CEACAM21: variants seen among roughly 807,000 people sequenced by gnomAD.
CEACAM21 encodes CEA cell adhesion molecule 21.
In CEACAM21, 38 loss-of-function variants were observed where a neutral mutation model predicts 33.2. That is an observed-to-expected ratio of 1.14 (90% CI 0.88 to 1.50). The LOEUF is 1.50. Ranked by LOEUF, CEACAM21 falls within the 40% of genes most tolerant of loss-of-function variation. The probability of loss-of-function intolerance (pLI) is 0.00; values close to 1 mark genes in which losing one functional copy is unlikely to be tolerated. For synonymous variants in CEACAM21, 156 were observed against 143.0 expected (o/e 1.09, Z -0.65); for missense variants, 385 against 364.6 (o/e 1.06, Z -0.46).
chr19:41,579,729 T>G, intron 3 of CEACAM21, 101 bp downstream of exon 3: 1 of 858,990 alleles, frequency 1.2e-6, no homozygotes, highest in East Asian at 2.7e-5. Flanking sequence ...TGAGATTCCT[T>G]CAGAGCCTGG....
At chr19:41,584,548 C>T (rs111323306) in intron 4 of CEACAM21, 105 bp downstream of exon 4, 47 of 1,014,228 alleles carry the variant, frequency 4.6e-5, no homozygotes, top group African/African-American at 3.4e-4. Context: ...CCCAGCCTCC[C>T]GACTCCCCAG....
intron 6 of CEACAM21, 51 bp downstream of exon 6, chr19:41,585,922 G>T: frequency 6.3e-7 from 1 of 1,585,584 alleles, no homozygotes; most frequent in African/African-American, 1.3e-5. Context: ...CAGCTGTGCA[G>T]GCTCAGGGCA....
intron 2 of CEACAM21, chr19:41,565,626 G>C (rs2042209315): frequency 6.8e-6 from 1 of 147,512 alleles, no homozygotes; most frequent in African/African-American, 2.6e-5. Context: ...GTGAACTGGA[G>C]GGATCTTCCC....
intron 1 of CEACAM21, among the ~76,000 whole-genome samples, chr19:41,555,986 A>G (rs1555785474): frequency 1.1e-4 from 17 of 152,230 alleles, no homozygotes; most frequent in Non-Finnish European, 1.5e-5. Flanking sequence ...AAACCAAAGC[A>G]ATCAGCCAAG....
At chr19:41,569,045 C>T (rs1215069266) in intron 2 of CEACAM21, among the ~76,000 whole-genome samples, 1 of 152,096 alleles carries the variant, frequency 6.6e-6, no homozygotes, top group East Asian at 1.9e-4. Context: ...TCTTTTGTTT[C>T]AGCTATCATA....
In CEACAM21 at chr19:41,554,181, T is replaced by C. The variant is rs112814582; in HGVS notation, c.-779+4629T>C. 3.9e-5 allele frequency among the ~76,000 whole-genome samples: 6 copies of C among 152,192 alleles called. 1 individual carries two copies. Among genetic ancestry groups the C allele is most frequent in the African/African-American group, 1.4e-4 (6 of 41,530 alleles). On this transcript the variant is annotated intron_variant, in intron 1 of 7. Transcript: ENST00000407170. Reference sequence around the variant, plus strand: ...GTCCTGCTTGATATCAATGAACATTTTAGCTCTCCAAGTGTCCCGAACATT... The same window carrying C: ...GTCCTGCTTGATATCAATGAACATTCTAGCTCTCCAAGTGTCCCGAACATT...
At chr19:41,576,434 G>T (rs1275808301) in intron 1 of CEACAM21, 96 bp downstream of exon 1, 1 of 1,353,058 alleles carries the variant, frequency 7.4e-7, no homozygotes, top group East Asian at 2.5e-5. Flanking sequence ...GGAGACAGAG[G>T]GCTTTTGTTA....
At chr19:41,574,217 A>G (rs1555790277), upstream of CEACAM21, among the ~76,000 whole-genome samples, 2 of 152,390 alleles carry the variant, frequency 1.3e-5, no homozygotes, top group East Asian at 3.9e-4. Flanking sequence ...CAAAAACCTA[A>G]ATGGAATAGC....
chr19:41,581,863 C>T (rs2043415440), intron 3 of CEACAM21, among the ~76,000 whole-genome samples: 1 of 152,170 alleles, frequency 6.6e-6, no homozygotes. Flanking sequence ...AAGAGCCAAA[C>T]CATGTCATTC....
intron 1 of CEACAM21, chr19:41,550,726 C>G (rs1444396103): frequency 6.6e-6 from 1 of 152,038 alleles, no homozygotes; most frequent in South Asian, 2.1e-4. Flanking sequence ...GTGCCCAGAT[C>G]GCACGACTGC....
chr19:41,553,237 T>A (rs1555784835), intron 1 of CEACAM21, among the ~76,000 whole-genome samples: 1 of 151,978 alleles, frequency 6.6e-6, no homozygotes, highest in Admixed American at 6.6e-5. Flanking sequence ...CTTGAGTAGC[T>A]GGGATTACAG....
chr19:41,574,895 C>A (rs890066801), upstream of CEACAM21, among the ~76,000 whole-genome samples: 8 of 152,130 alleles, frequency 5.3e-5, no homozygotes, highest in Non-Finnish European at 1.2e-4. Context: ...AGTGTAAGTT[C>A]ATTGCAGCGG....
In CEACAM21 at chr19:41,586,462, A is replaced by T. The variant is rs3745936; in HGVS notation, c.*1-2A>T. On this transcript the variant is annotated splice_acceptor_variant, in intron 6 of 6. Transcript: ENST00000401445. LOFTEE classifies it low-confidence loss of function (3UTR_SPLICE). ...GTCAAGACCTCTTCTCTGTTTTTAC[A>T]GGAATTGCTACACTCTGACACAAAC... The T allele has an allele frequency of 0.23, 147,248 of 628,536 alleles. 20,339 individuals are homozygous for T. The highest frequency in any genetic ancestry group is 0.45 in the African/African-American group (24,459 of 54,154). 38.9% of individuals were successfully genotyped at this position (628,536 alleles called of 1,614,324 possible).
chr19:41,562,057 C>G (rs1160493836), intron 1 of CEACAM21, among the ~76,000 whole-genome samples: 2 of 152,080 alleles, frequency 1.3e-5, no homozygotes, highest in African/African-American at 4.8e-5. Flanking sequence ...ACCAGCCTGA[C>G]AAACATGGTG....
chr19:41,580,012 G>T (rs1454723037), intron 3 of CEACAM21, among the ~76,000 whole-genome samples: 5 of 152,102 alleles, frequency 3.3e-5, no homozygotes, highest in Admixed American at 6.5e-5. Flanking sequence ...TATGAACTTT[G>T]TTGTTATTAG....
chr19:41,556,004 A>G (rs572469231), intron 1 of CEACAM21, among the ~76,000 whole-genome samples: 1 of 152,318 alleles, frequency 6.6e-6, no homozygotes, highest in East Asian at 1.9e-4. Flanking sequence ...AAGATGAAAT[A>G]AAAGAGAGCA....
Position 41,568,636 on chromosome 19 carries a change from T to C in CEACAM21, c.-404+3580T>C, listed in dbSNP as rs2042413377. Among the ~76,000 whole-genome samples the C allele has an allele frequency of 1.3e-5, 2 of 152,220 alleles. 1 individual carries two copies. The highest frequency in any genetic ancestry group is 4.1e-4 in the South Asian group (2 of 4,828). On this transcript the variant is annotated intron_variant, in intron 2 of 7. Transcript: ENST00000407170. Reference sequence around the variant, plus strand: ...TTTCTGGGATTTTTATTCTGTTTCATTGATCTATGTGCTTGTTTTTATGCC... The same window carrying C: ...TTTCTGGGATTTTTATTCTGTTTCACTGATCTATGTGCTTGTTTTTATGCC...
chr19:41,558,823 A>G (rs1465529763), intron 1 of CEACAM21, among the ~76,000 whole-genome samples: 1 of 152,236 alleles, frequency 6.6e-6, no homozygotes, highest in African/African-American at 2.4e-5. Flanking sequence ...AACTTAAACG[A>G]TGTATTAAAA....
At chr19:41,578,558 T>C (rs2043129351) in intron 2 of CEACAM21, among the ~76,000 whole-genome samples, 2 of 152,230 alleles carry the variant, frequency 1.3e-5, no homozygotes, top group African/African-American at 2.4e-5. Flanking sequence ...CCGTGGGGCA[T>C]CTGTGGACCC....
Sources: allele counts gnomAD v4.1 joint callset (sites outside exome capture counted in the v4.1 genomes callset), GRCh38; gene constraint gnomAD v4.1.1; transcripts MANE v1.5; gene names NCBI Gene and HGNC (gene_info 2026-07-23, HGNC 2026-07-21).